NAV2: variants seen among roughly 807,000 people sequenced by gnomAD.
NAV2 encodes neuron navigator 2, also known as helicase, APC down-regulated 1.
A neutral mutation model predicts 223.2 loss-of-function variants in NAV2; 54 were observed. The observed-to-expected ratio is 0.24, with a 90% confidence interval of 0.19 to 0.30. The LOEUF (loss-of-function observed/expected upper bound fraction) is 0.30. NAV2 is among the 10% of genes least tolerant of loss of function. NAV2 has a pLI of 1.00. For missense variants in NAV2, 2,806 were observed against 3,147.5 expected, an observed-to-expected ratio of 0.89 and a Z score of 2.60; for synonymous variants, 1,279 against 1,239.3, an observed-to-expected ratio of 1.03 and a Z score of -0.67.
At chr11:19,822,542 T>C (rs1382820605) in intron 1 of NAV2, among the ~76,000 whole-genome samples, 1 of 152,118 alleles carries the variant, frequency 6.6e-6, no homozygotes, top group East Asian at 1.9e-4. Context: ...TCCTAATTAA[T>C]GAGAAGCTGT....
chr11:20,105,390 A>T, intron 34 of NAV2, 141 bp from the exon 35 acceptor site: 1 of 641,064 alleles, frequency 1.6e-6, no homozygotes, highest in African/African-American at 1.8e-5. Flanking sequence ...TACAATGTTT[A>T]GAAGAGTGTT....
intron 1 of NAV2, among the ~76,000 whole-genome samples, chr11:19,565,697 C>A (rs543537042): frequency 6.6e-6 from 1 of 152,136 alleles, no homozygotes; most frequent in Non-Finnish European, 1.5e-5. Context: ...CTACTACAGC[C>A]CACTCCCTGC....
At chr11:19,799,773 G>A (rs1267184437) in intron 1 of NAV2, among the ~76,000 whole-genome samples, 3 of 152,036 alleles carry the variant, frequency 2.0e-5, no homozygotes, top group Non-Finnish European at 4.4e-5. Flanking sequence ...GGTGCTTTTC[G>A]GAACCCACCA....
intron 1 of NAV2, among the ~76,000 whole-genome samples, chr11:19,550,813 G>T (rs146527932): frequency 1.3e-5 from 2 of 152,246 alleles, no homozygotes; most frequent in East Asian, 1.9e-4. Context: ...CATAAAACAC[G>T]CCCACCAGTG....
intron 1 of NAV2, among the ~76,000 whole-genome samples, chr11:19,460,709 G>A (rs1451307860): frequency 6.6e-6 from 1 of 151,824 alleles, no homozygotes; most frequent in Non-Finnish European, 1.5e-5. Flanking sequence ...AATGGGTGCA[G>A]CACACCAACA....
At chr11:19,888,959 G>T (rs953795293) in intron 5 of NAV2, among the ~76,000 whole-genome samples, 1 of 152,040 alleles carries the variant, frequency 6.6e-6, no homozygotes, top group Non-Finnish European at 1.5e-5. Context: ...TAATCTAGAT[G>T]TCAGCTGGGG....
At chr11:19,396,579 T>C (rs1463748217) in intron 1 of NAV2, among the ~76,000 whole-genome samples, 2 of 152,190 alleles carry the variant, frequency 1.3e-5, no homozygotes, top group Non-Finnish European at 2.9e-5. Flanking sequence ...GCATGTGCTC[T>C]TTCTGTCCCC....
chr11:20,087,913 A>C (rs1361618946), intron 26 of NAV2, among the ~76,000 whole-genome samples: 1 of 152,156 alleles, frequency 6.6e-6, no homozygotes, highest in East Asian at 1.9e-4. Flanking sequence ...AATATACTTC[A>C]AATACCTAGC....
intron 3 of NAV2, among the ~76,000 whole-genome samples, chr11:19,856,830 G>A (rs2061433396): frequency 6.6e-6 from 1 of 152,148 alleles, no homozygotes; most frequent in Admixed American, 6.5e-5. Flanking sequence ...TATTTGCTTG[G>A]CTTTGTTTCC....
chr11:19,770,685 T>C (rs1053466924), intron 1 of NAV2, among the ~76,000 whole-genome samples: 5 of 152,224 alleles, frequency 3.3e-5, no homozygotes, highest in African/African-American at 1.2e-4. Flanking sequence ...CCTGGAGCTT[T>C]CAAATTAGTC....
intron 10 of NAV2, among the ~76,000 whole-genome samples, chr11:19,949,380 G>A (rs2047199842): frequency 6.6e-6 from 1 of 152,196 alleles, no homozygotes; most frequent in Non-Finnish European, 1.5e-5. Flanking sequence ...CAGGTTAGAC[G>A]GCCTCCCCGG....
At chr11:19,844,322 C>G (rs1366557241) in intron 3 of NAV2, among the ~76,000 whole-genome samples, 5 of 152,188 alleles carry the variant, frequency 3.3e-5, no homozygotes. Context: ...TGCCCCAGGC[C>G]ATTATAATGT....
chr11:19,526,062 A>G (rs1261095157), intron 1 of NAV2, among the ~76,000 whole-genome samples: 1 of 152,112 alleles, frequency 6.6e-6, no homozygotes, highest in African/African-American at 2.4e-5. Context: ...CTTCTCTTTC[A>G]GCATCATGCT....
At chr11:19,719,550 G>A (rs1289314962) in intron 1 of NAV2, among the ~76,000 whole-genome samples, 1 of 152,128 alleles carries the variant, frequency 6.6e-6, no homozygotes, top group Non-Finnish European at 1.5e-5. Context: ...ACAGTGTATG[G>A]CACATACTAA....
chr11:19,557,845 G>C (rs1169556587), intron 1 of NAV2, among the ~76,000 whole-genome samples: 1 of 152,216 alleles, frequency 6.6e-6, no homozygotes. Flanking sequence ...GGAAGGCTTG[G>C]ACAGTCAGTG....
chr11:19,397,423 GCA>G (rs796373349), intron 1 of NAV2, among the ~76,000 whole-genome samples: 32,339 of 148,622 alleles, frequency 0.22, 3,921 homozygotes, highest in South Asian at 0.4. Context: ...GTGTGTGCGC[GCA>G]TGTGTGTGTA....
intron 26 of NAV2, among the ~76,000 whole-genome samples, chr11:20,084,525 G>A (rs556178460): frequency 6.6e-6 from 1 of 152,164 alleles, no homozygotes; most frequent in African/African-American, 2.4e-5. Context: ...TAGCCACAGG[G>A]GTGTGTACTT....
At chr11:19,892,702 T>C in intron 6 of NAV2, 108 bp downstream of exon 6, 1 of 1,196,746 alleles carries the variant, frequency 8.4e-7, no homozygotes. Context: ...GCATCTGTGT[T>C]GAGAATGAGT....
chr11:19,533,597 T>C (rs538094376), intron 1 of NAV2, among the ~76,000 whole-genome samples: 1 of 152,238 alleles, frequency 6.6e-6, no homozygotes, highest in African/African-American at 2.4e-5. Flanking sequence ...GTCATTGTCC[T>C]CCTGGAAATA....
Sources: gnomAD v4.1 joint callset for allele counts (sites outside exome capture counted in the v4.1 genomes callset) on GRCh38, gnomAD v4.1.1 for gene constraint, MANE v1.5 for transcripts, NCBI Gene and HGNC (gene_info 2026-07-23, HGNC 2026-07-21) for gene names.